The following DENND1A variants were observed in gnomAD, a reference collection of about 807,000 sequenced individuals.
The protein encoded by DENND1A is DENN domain containing 1A, also known as DENN domain-containing protein 1A.
A neutral mutation model predicts 113.7 loss-of-function variants in DENND1A; 51 were observed. The observed-to-expected ratio is 0.45, with a 90% confidence interval of 0.36 to 0.57. The LOEUF is 0.57. DENND1A is among the 20% of genes least tolerant of loss of function. The pLI, the probability that DENND1A is intolerant of heterozygous loss-of-function variation, is 0.00. For synonymous variants in DENND1A, 565 were observed against 570.8 expected, an observed-to-expected ratio of 0.99 and a Z score of 0.14; for missense variants, 1,258 against 1,395.9, an observed-to-expected ratio of 0.90 and a Z score of 1.57.
chr9:123,450,826 G>T, intron 17 of DENND1A, 77 bp from the exon 18 acceptor site: 1 of 1,193,302 alleles, frequency 8.4e-7, no homozygotes, highest in South Asian at 1.4e-5. Flanking sequence ...AGTCCATCGA[G>T]AATCACCTTC....
At chr9:123,729,577 G>T (rs967152662) in intron 5 of DENND1A, among the ~76,000 whole-genome samples, 2 of 152,104 alleles carry the variant, frequency 1.3e-5, no homozygotes, top group African/African-American at 4.8e-5. Flanking sequence ...TCTTCAAGGA[G>T]AACTACAAAC....
intron 19 of DENND1A, among the ~76,000 whole-genome samples, chr9:123,433,088 A>T (rs1353655130): frequency 1.3e-5 from 2 of 152,252 alleles, no homozygotes; most frequent in African/African-American, 4.8e-5. Flanking sequence ...TTGGGGAAAG[A>T]GACTGATATT....
Position 123,757,802 on chromosome 9 carries a change from C to T in DENND1A, c.203G>A (p.Gly68Asp), listed in dbSNP as rs1026489518. 3.1e-6 allele frequency: 5 copies of T among 1,613,662 alleles called. No homozygotes were observed. Among genetic ancestry groups the T allele is most frequent in the Non-Finnish European group, 3.4e-6 (4 of 1,179,916 alleles). The change falls in exon 5 of 24, where the codon GGC becomes GAC. Residue 68 changes from glycine (G) to aspartate (D), a missense_variant. Transcript: ENST00000394215. The stretch of plus-strand genomic sequence containing the variant: ...AGTGAGCACGAATGTGAAGTTCTGG[C>T]CAACTTGGCTAACTGTGAGGCTGCA... ...YVDSLTVSQV[G>D]QNFTFVLTDI...
At chr9:123,530,712 A>AG (rs2055225207) in intron 13 of DENND1A, among the ~76,000 whole-genome samples, 1 of 152,190 alleles carries the variant, frequency 6.6e-6, no homozygotes, top group Admixed American at 6.5e-5. Flanking sequence ...CTTTATCTGC[A>AG]GGGGATGTGT....
intron 13 of DENND1A, among the ~76,000 whole-genome samples, chr9:123,531,520 A>G (rs1051990136): frequency 1.3e-5 from 2 of 150,178 alleles, no homozygotes; most frequent in African/African-American, 4.9e-5. Context: ...AGTTTACCAC[A>G]TTGGCTTTAT....
At chr9:123,569,664 T>G (rs891430101) in intron 12 of DENND1A, 1 of 152,370 alleles carries the variant, frequency 6.6e-6, no homozygotes, top group Admixed American at 6.5e-5. Context: ...AGAACAGGGA[T>G]GGACAAACAA....
chr9:123,643,588 T>C (rs1183429631), intron 9 of DENND1A, among the ~76,000 whole-genome samples: 1 of 152,232 alleles, frequency 6.6e-6, no homozygotes, highest in Non-Finnish European at 1.5e-5. Flanking sequence ...CAAAGATACA[T>C]AGCTGCAATA....
At chr9:123,446,817 CAAAA>C (rs1402919357) in intron 18 of DENND1A, among the ~76,000 whole-genome samples, 1 of 151,394 alleles carries the variant, frequency 6.6e-6, no homozygotes, top group Non-Finnish European at 1.5e-5. Flanking sequence ...CAAAGAAAAA[CAAAA>C]TAAAAAAAAG....
intron 9 of DENND1A, among the ~76,000 whole-genome samples, chr9:123,651,123 G>GA (rs553354769): frequency 1.2e-4 from 18 of 151,340 alleles, no homozygotes; most frequent in African/African-American, 4.4e-4. Flanking sequence ...CTTAGCAAGT[G>GA]AAAAACTAAA....
chr9:123,591,191 A>G (rs776561152), intron 11 of DENND1A, among the ~76,000 whole-genome samples: 3 of 152,202 alleles, frequency 2.0e-5, no homozygotes. Context: ...TTGTATGAAA[A>G]CAATGGGATT....
At chr9:123,752,537 G>C (rs1345147493) in intron 5 of DENND1A, among the ~76,000 whole-genome samples, 1 of 152,142 alleles carries the variant, frequency 6.6e-6, no homozygotes, top group Non-Finnish European at 1.5e-5. Flanking sequence ...CTTTATAAAA[G>C]ACAAAAGGTA....
chr9:123,594,664 T>A (rs1372090228), intron 11 of DENND1A, among the ~76,000 whole-genome samples: 1 of 151,990 alleles, frequency 6.6e-6, no homozygotes, highest in Non-Finnish European at 1.5e-5. Context: ...ACCCATTTGA[T>A]GGATGAGGAA....
chr9:123,426,304 A>G (rs2045726909), intron 19 of DENND1A, among the ~76,000 whole-genome samples: 1 of 152,202 alleles, frequency 6.6e-6, no homozygotes, highest in Non-Finnish European at 1.5e-5. Flanking sequence ...CTCACAGACC[A>G]GTCGAGGAGA....
chr9:123,793,427 G>A (rs556926615), intron 2 of DENND1A, among the ~76,000 whole-genome samples: 11 of 152,240 alleles, frequency 7.2e-5, no homozygotes, highest in South Asian at 4.1e-4. Context: ...ATTTACTATC[G>A]ATTAGGAAAA....
At chr9:123,495,171 TATAATG>T (rs2051797102) in intron 13 of DENND1A, among the ~76,000 whole-genome samples, 2 of 76,348 alleles carry the variant, frequency 2.6e-5, no homozygotes, top group Admixed American at 2.3e-4. Flanking sequence ...CTCTCTCTCT[TATAATG>T]TCTGTTTCCC....
intron 9 of DENND1A, among the ~76,000 whole-genome samples, chr9:123,638,612 C>A (rs965381761): frequency 1.3e-5 from 2 of 152,006 alleles, no homozygotes; most frequent in African/African-American, 2.4e-5. Context: ...TGGGTGAATG[C>A]CACCACGCCC....
At chr9:123,752,646 C>T (rs1246523806) in intron 5 of DENND1A, among the ~76,000 whole-genome samples, 1 of 152,184 alleles carries the variant, frequency 6.6e-6, no homozygotes, top group Non-Finnish European at 1.5e-5. Flanking sequence ...TAGAAGTTGG[C>T]TAGAAATCGC....
chr9:123,796,080 T>G (rs1295662460), intron 2 of DENND1A, among the ~76,000 whole-genome samples: 1 of 152,192 alleles, frequency 6.6e-6, no homozygotes, highest in Non-Finnish European at 1.5e-5. Flanking sequence ...GAAAATACTT[T>G]TCAACAGGAA....
chr9:123,785,296 G>A (rs997621163), intron 3 of DENND1A, among the ~76,000 whole-genome samples: 1 of 152,132 alleles, frequency 6.6e-6, no homozygotes, highest in Admixed American at 6.6e-5. Flanking sequence ...AGGATACAGT[G>A]AGCTATGATT....
Sources: gnomAD v4.1 joint callset for allele counts (sites outside exome capture counted in the v4.1 genomes callset) on GRCh38, gnomAD v4.1.1 for gene constraint, MANE v1.5 for transcripts, NCBI Gene and HGNC (gene_info 2026-07-23, HGNC 2026-07-21) for gene names.